PHF14: variants seen among roughly 807,000 people sequenced by gnomAD.
PHF14 encodes PHD finger protein 14.
PHF14 carries 55 observed loss-of-function variants against 117.9 expected under a neutral mutation model. The ratio of observed to expected loss-of-function variants is 0.47; its 90% CI spans 0.38 to 0.58. PHF14 has a LOEUF of 0.58. Ranked by LOEUF, PHF14 falls within the 20% of genes least tolerant of loss-of-function variation. The pLI is 0.00. For missense variants in PHF14, 978 were observed against 1,122.2 expected (o/e 0.87, Z 1.84); for synonymous variants, 409 against 368.6 (o/e 1.11, Z -1.26).
chr7:11,132,379 T>C (rs1201977323), intron 17 of PHF14, among the ~76,000 whole-genome samples: 1 of 151,676 alleles, frequency 6.6e-6, no homozygotes, highest in Non-Finnish European at 1.5e-5. Flanking sequence ...CTTGTTTCAC[T>C]TAGTCTTGTG....
intron 16 of PHF14, chr7:11,102,928 G>C (rs1392081475): frequency 1.9e-6 from 2 of 1,050,296 alleles, no homozygotes; most frequent in Non-Finnish European, 2.3e-6. Context: ...ACTGAAGCCT[G>C]TGGGACTTAA....
At chr7:10,988,486 C>T (rs753698921) in intron 3 of PHF14, among the ~76,000 whole-genome samples, 2 of 150,518 alleles carry the variant, frequency 1.3e-5, no homozygotes, top group Non-Finnish European at 2.9e-5. Context: ...AGACATGTAG[C>T]ATCCTAATTT....
chr7:11,159,134 C>G (rs915805630), intron 17 of PHF14, among the ~76,000 whole-genome samples: 3 of 151,944 alleles, frequency 2.0e-5, no homozygotes, highest in Non-Finnish European at 4.4e-5. Context: ...AAATCAAGTT[C>G]TTATGTAGGT....
intron 16 of PHF14, chr7:11,106,681 A>G: frequency 9.1e-6 from 9 of 984,230 alleles, no homozygotes; most frequent in Non-Finnish European, 1.1e-5. Context: ...ATTTGCGTAG[A>G]TGTTTGAGCT....
intron 16 of PHF14, chr7:11,103,327 C>T: frequency 1.1e-6 from 1 of 895,560 alleles, no homozygotes; most frequent in Non-Finnish European, 1.3e-6. Context: ...TTTCTGTGTT[C>T]AGTATAATTT....
At chr7:11,071,618 A>T (rs1562450828) in intron 16 of PHF14, among the ~76,000 whole-genome samples, 1 of 152,214 alleles carries the variant, frequency 6.6e-6, no homozygotes, top group Non-Finnish European at 1.5e-5. Context: ...ATTACAGTCC[A>T]GTTTTTAGAG....
chr7:10,998,922 A>AT (rs1213198349), intron 4 of PHF14, among the ~76,000 whole-genome samples: 1 of 152,162 alleles, frequency 6.6e-6, no homozygotes, highest in Non-Finnish European at 1.5e-5. Flanking sequence ...CTATGGATGT[A>AT]TTTTTTTAGG....
At chr7:10,999,206 A>G (rs771099530) in intron 4 of PHF14, among the ~76,000 whole-genome samples, 2 of 152,126 alleles carry the variant, frequency 1.3e-5, no homozygotes, top group Non-Finnish European at 2.9e-5. Context: ...TTCTAGCACA[A>G]TCTGCTGGAG....
intron 16 of PHF14, chr7:11,105,851 C>T (rs1345438491): frequency 2.0e-6 from 2 of 984,218 alleles, no homozygotes; most frequent in African/African-American, 3.5e-5. Flanking sequence ...TGACACCCAG[C>T]AATTATCTCA....
chr7:10,997,139 T>TA (rs1782682298), intron 4 of PHF14, among the ~76,000 whole-genome samples: 1 of 152,250 alleles, frequency 6.6e-6, no homozygotes, highest in South Asian at 2.1e-4. Flanking sequence ...GTGCTTTACT[T>TA]ACTTTTTATC....
intron 4 of PHF14, among the ~76,000 whole-genome samples, chr7:11,005,516 C>G (rs1022267757): frequency 6.6e-6 from 1 of 152,220 alleles, no homozygotes; most frequent in African/African-American, 2.4e-5. Context: ...TTGTCCACCA[C>G]TTTTCTGTCT....
chr7:11,160,672 G>A (rs139303463), intron 17 of PHF14, among the ~76,000 whole-genome samples: 1 of 152,168 alleles, frequency 6.6e-6, no homozygotes, highest in African/African-American at 2.4e-5. Flanking sequence ...GACAATTAGC[G>A]ATGTTGAGCA....
intron 16 of PHF14, among the ~76,000 whole-genome samples, chr7:11,077,622 G>C (rs79823425): frequency 2.0e-5 from 2 of 99,704 alleles, no homozygotes; most frequent in East Asian, 4.3e-4. Flanking sequence ...AAAAAAAAAA[G>C]ACAGATTCAA....
intron 13 of PHF14, among the ~76,000 whole-genome samples, chr7:11,047,478 C>G (rs1224821381): frequency 6.6e-6 from 1 of 151,676 alleles, no homozygotes; most frequent in Non-Finnish European, 1.5e-5. Flanking sequence ...TTGTATGGTG[C>G]TAGAAACATA....
chr7:11,162,459 A>G lies in PHF14; in HGVS notation c.2773-6957A>G, dbSNP rs370492144. ...TTTTCATGTTTATGGAAATATATAA[A>G]TTTATAGAATTGGGATTGTGCCCAT... On this transcript the variant is annotated intron_variant, in intron 17 of 17. Transcript: ENST00000634607. Among the ~76,000 whole-genome samples the G allele has an allele frequency of 5.3e-5, 8 of 152,188 alleles. No individual in the cohort carries two copies. In the South Asian group the frequency reaches 1.2e-3, roughly 24 times the overall value.
chr7:11,126,399 G>A (rs951968246), intron 17 of PHF14, among the ~76,000 whole-genome samples: 1 of 151,976 alleles, frequency 6.6e-6, no homozygotes, highest in Admixed American at 6.6e-5. Context: ...TGCTGTAAAG[G>A]ATAGATATTT....
At chr7:11,026,101 G>C (rs1376491834) in intron 6 of PHF14, among the ~76,000 whole-genome samples, 1 of 114,696 alleles carries the variant, frequency 8.7e-6, no homozygotes, top group Non-Finnish European at 1.8e-5. Context: ...GACAGTGTGA[G>C]ACTCCATCAA....
At position 11,103,605 on chromosome 7, in the gene PHF14, T is replaced by G. The variant is rs2128341866; in HGVS notation, c.2655-7745T>G. 4.1e-6 allele frequency: 4 copies of G among 984,768 alleles called. No homozygotes were observed. In the South Asian group the frequency reaches 1.9e-4, roughly 46 times the overall value. 61.0% of individuals were successfully genotyped at this position (984,768 alleles called of 1,614,324 possible). A position where few individuals can be genotyped will look rare whatever the true frequency, so the allele number is the denominator to read the frequency against. On this transcript the variant is annotated intron_variant, in intron 16 of 17. Transcript: ENST00000634607. ...GAATTGCACTTATACATGTAAATTG[T>G]CAACATGTAATTTGGAATTTTCTGA...
At chr7:11,049,236 G>A (rs1784773814) in intron 13 of PHF14, among the ~76,000 whole-genome samples, 1 of 152,096 alleles carries the variant, frequency 6.6e-6, no homozygotes, top group African/African-American at 2.4e-5. Flanking sequence ...ACTTTGGAAG[G>A]CTGAGGCGGG....
Sources: allele counts gnomAD v4.1 joint callset (sites outside exome capture counted in the v4.1 genomes callset), GRCh38; gene constraint gnomAD v4.1.1; transcripts MANE v1.5; gene names NCBI Gene and HGNC (gene_info 2026-07-23, HGNC 2026-07-21).